TBC1D5: variants seen among roughly 807,000 people sequenced by gnomAD.
TBC1D5 encodes TBC1 domain family member 5.
Under a neutral mutation model 100.3 loss-of-function variants are expected in TBC1D5, and 75 were observed. The ratio of observed to expected loss-of-function variants is 0.75; its 90% confidence interval spans 0.62 to 0.91. The LOEUF is 0.91. Ranked by LOEUF, TBC1D5 falls within the 40% of genes least tolerant of loss-of-function variation. The probability of loss-of-function intolerance (pLI) is 0.00; values close to 1 mark genes in which losing one functional copy is unlikely to be tolerated. For missense variants in TBC1D5, 910 were observed against 942.4 expected, an observed-to-expected ratio of 0.97 and a Z score of 0.45; for synonymous variants, 323 against 325.6, an observed-to-expected ratio of 0.99 and a Z score of 0.09.
At chr3:17,262,918 G>A (rs2078460121) in intron 15 of TBC1D5, among the ~76,000 whole-genome samples, 1 of 151,196 alleles carries the variant, frequency 6.6e-6, no homozygotes, top group South Asian at 2.1e-4. Context: ...GTCCTGGGAA[G>A]TTTATATAAC....
intron 4 of TBC1D5, among the ~76,000 whole-genome samples, chr3:17,414,027 T>C (rs1045318430): frequency 6.6e-6 from 1 of 152,204 alleles, no homozygotes; most frequent in Non-Finnish European, 1.5e-5. Flanking sequence ...AGAGATAAGG[T>C]AGAAAGTTGC....
intron 18 of TBC1D5, among the ~76,000 whole-genome samples, chr3:17,213,117 T>C (rs1450165933): frequency 6.6e-6 from 1 of 152,238 alleles, no homozygotes; most frequent in African/African-American, 2.4e-5. Context: ...TATTTTTCTG[T>C]ACCTTTTATA....
At chr3:17,497,703 TAA>T (rs2095731954) in intron 3 of TBC1D5, among the ~76,000 whole-genome samples, 1 of 152,206 alleles carries the variant, frequency 6.6e-6, no homozygotes, top group Non-Finnish European at 1.5e-5. Flanking sequence ...CAATGGCTAT[TAA>T]AGTTTTTCTA....
At chr3:17,701,365 T>C (rs1030683073) in intron 1 of TBC1D5, among the ~76,000 whole-genome samples, 3 of 151,972 alleles carry the variant, frequency 2.0e-5, no homozygotes, top group Admixed American at 2.0e-4. Context: ...TTAGGAGAAA[T>C]ACCTAATGTA....
intron 18 of TBC1D5, among the ~76,000 whole-genome samples, chr3:17,189,334 G>A (rs1011530819): frequency 1.3e-5 from 2 of 152,112 alleles, no homozygotes; most frequent in Non-Finnish European, 2.9e-5. Flanking sequence ...TAAAGCTTAA[G>A]AGCCCATCAC....
At chr3:17,679,201 C>T (rs1233397038) in intron 1 of TBC1D5, among the ~76,000 whole-genome samples, 6 of 151,140 alleles carry the variant, frequency 4.0e-5, no homozygotes, top group African/African-American at 1.5e-4. Flanking sequence ...ATTCCTGCCA[C>T]ACTGTCAAGG....
chr3:17,518,917 C>G (rs1363526386), intron 2 of TBC1D5: 1 of 152,348 alleles, frequency 6.6e-6, no homozygotes, highest in East Asian at 1.9e-4. Context: ...CGCTCCCTCC[C>G]GTGAGGGGTG....
chr3:17,237,668 C>A (rs2075966843), intron 17 of TBC1D5, among the ~76,000 whole-genome samples: 1 of 152,228 alleles, frequency 6.6e-6, no homozygotes, highest in Admixed American at 6.5e-5. Context: ...TAGTTTCTCC[C>A]TCCCCACTGC....
intron 1 of TBC1D5, among the ~76,000 whole-genome samples, chr3:17,650,428 G>A (rs1412202853): frequency 6.6e-6 from 1 of 152,090 alleles, no homozygotes. Flanking sequence ...TACATGGACA[G>A]GCCTCTGCCT....
At chr3:17,719,252 C>G (rs1347933478) in intron 1 of TBC1D5, among the ~76,000 whole-genome samples, 1 of 152,152 alleles carries the variant, frequency 6.6e-6, no homozygotes, top group East Asian at 1.9e-4. Flanking sequence ...TAAGGAGAAG[C>G]TGCAGTGTTA....
intron 14 of TBC1D5, among the ~76,000 whole-genome samples, chr3:17,304,185 A>G (rs935099585): frequency 6.6e-6 from 1 of 151,814 alleles, no homozygotes; most frequent in Non-Finnish European, 1.5e-5. Context: ...GTTCTTTTCT[A>G]TTGCCTCTGG....
chr3:17,423,818 C>A (rs1169883465), intron 4 of TBC1D5, among the ~76,000 whole-genome samples: 5 of 151,958 alleles, frequency 3.3e-5, no homozygotes, highest in Non-Finnish European at 7.4e-5. Context: ...TATATTCTAT[C>A]CTCCGCCATT....
chr3:17,428,581 CTG>C, intron 3 of TBC1D5, 62 bp from the exon 4 acceptor site: 1 of 907,098 alleles, frequency 1.1e-6, no homozygotes, highest in Non-Finnish European at 1.6e-6. Context: ...AGTTGAAAAA[CTG>C]TGTGAAAGCT....
At chr3:17,476,734 T>C (rs895374107) in intron 3 of TBC1D5, among the ~76,000 whole-genome samples, 3 of 151,954 alleles carry the variant, frequency 2.0e-5, no homozygotes, top group African/African-American at 2.4e-5. Context: ...ATGATCATGG[T>C]GTGTCCTCTA....
intron 3 of TBC1D5, among the ~76,000 whole-genome samples, chr3:17,463,175 T>A (rs1354543910): frequency 1.3e-5 from 2 of 152,208 alleles, no homozygotes; most frequent in Non-Finnish European, 2.9e-5. Flanking sequence ...TAGAGATTCT[T>A]CCTGGTGTCT....
chr3:17,689,093 A>G (rs2070727090), intron 1 of TBC1D5, among the ~76,000 whole-genome samples: 1 of 152,200 alleles, frequency 6.6e-6, no homozygotes, highest in Non-Finnish European at 1.5e-5. Context: ...AGAGTGATTT[A>G]CTTTCCAAAA....
chr3:17,187,906 A>T (rs2069345471), intron 18 of TBC1D5, among the ~76,000 whole-genome samples: 1 of 152,232 alleles, frequency 6.6e-6, no homozygotes, highest in Non-Finnish European at 1.5e-5. Context: ...CATTAGTTTA[A>T]ATTGGATTAG....
intron 18 of TBC1D5, among the ~76,000 whole-genome samples, chr3:17,212,809 C>T (rs1000356259): frequency 5.3e-5 from 8 of 151,986 alleles, no homozygotes; most frequent in Admixed American, 2.6e-4. Flanking sequence ...CTATCAAATG[C>T]GTTTGTTTTG....
At chr3:17,393,430 A>G (rs1467398390) in intron 8 of TBC1D5, among the ~76,000 whole-genome samples, 1 of 152,166 alleles carries the variant, frequency 6.6e-6, no homozygotes, top group East Asian at 1.9e-4. Flanking sequence ...TGCTATTTCC[A>G]TCAACCTACC....
Sources: allele counts gnomAD v4.1 joint callset (sites outside exome capture counted in the v4.1 genomes callset), GRCh38; gene constraint gnomAD v4.1.1; transcripts MANE v1.5; gene names NCBI Gene and HGNC (gene_info 2026-07-23, HGNC 2026-07-21).